The following PRKN variants were observed in gnomAD, a reference collection of about 807,000 sequenced individuals.
The protein encoded by PRKN is parkin RBR E3 ubiquitin protein ligase.
Under a neutral mutation model 59.5 loss-of-function variants are expected in PRKN, and 56 were observed. The observed-to-expected ratio is 0.94, with a 90% CI of 0.76 to 1.18. The LOEUF is 1.18. Among genes scored for constraint, PRKN ranks in the 50% most tolerant of loss-of-function variants. PRKN has a pLI of 0.00. For missense variants in PRKN, 657 were observed against 596.4 expected (o/e 1.10, Z -1.06); for synonymous variants, 250 against 222.1 (o/e 1.13, Z -1.12).
chr6:162,421,678 G>A (rs1324237188), intron 2 of PRKN, among the ~76,000 whole-genome samples: 1 of 152,066 alleles, frequency 6.6e-6, no homozygotes, highest in Non-Finnish European at 1.5e-5. Flanking sequence ...AAATAAACAG[G>A]AGAAGAACAA....
At chr6:161,700,487 G>A (rs1289798650) in intron 7 of PRKN, among the ~76,000 whole-genome samples, 2 of 152,006 alleles carry the variant, frequency 1.3e-5, no homozygotes, top group Non-Finnish European at 2.9e-5. Context: ...CAGGGCACAG[G>A]GTCACCTCAA....
intron 1 of PRKN, among the ~76,000 whole-genome samples, chr6:162,678,395 G>A (rs1472278892): frequency 2.0e-5 from 3 of 152,242 alleles, no homozygotes; most frequent in Non-Finnish European, 4.4e-5. Context: ...TCCCAAAGTG[G>A]TTTCTCCATT....
intron 9 of PRKN, among the ~76,000 whole-genome samples, chr6:161,539,376 C>T (rs149521371): frequency 7.0e-6 from 1 of 143,762 alleles, no homozygotes; most frequent in African/African-American, 2.5e-5. Context: ...CTGACGCATT[C>T]CAGGTTTAAG....
chr6:162,059,999 G>T (rs1222192430), intron 4 of PRKN, among the ~76,000 whole-genome samples: 2 of 152,192 alleles, frequency 1.3e-5, no homozygotes, highest in Non-Finnish European at 2.9e-5. Flanking sequence ...CATAAAGCAT[G>T]GTTGCTTGTA....
chr6:162,010,604 A>C (rs1172413063), intron 5 of PRKN, among the ~76,000 whole-genome samples: 1 of 8,610 alleles, frequency 1.2e-4, no homozygotes, highest in Non-Finnish European at 1.5e-4. Context: ...TATAATATAT[A>C]TTATATAATA....
chr6:161,619,913 A>T (rs1463026120), intron 7 of PRKN, among the ~76,000 whole-genome samples: 2 of 151,676 alleles, frequency 1.3e-5, no homozygotes, highest in Admixed American at 6.6e-5. Context: ...TATTAAAATT[A>T]ACTTCACCTT....
At chr6:162,185,013 C>T (rs1364268031) in intron 4 of PRKN, among the ~76,000 whole-genome samples, 1 of 152,114 alleles carries the variant, frequency 6.6e-6, no homozygotes, top group Non-Finnish European at 1.5e-5. Flanking sequence ...TCTGACTAAT[C>T]TTAACAAAGA....
intron 1 of PRKN, among the ~76,000 whole-genome samples, chr6:162,558,476 T>A (rs9458587): frequency 2.0e-5 from 3 of 151,316 alleles, no homozygotes; most frequent in African/African-American, 7.3e-5. Flanking sequence ...ATTACAGGCA[T>A]GCGCCACCAC....
chr6:162,100,922 T>C (rs921929195), intron 4 of PRKN, among the ~76,000 whole-genome samples: 1 of 152,196 alleles, frequency 6.6e-6, no homozygotes, highest in South Asian at 2.1e-4. Flanking sequence ...CATTTTTAAA[T>C]TGGGTTACTT....
intron 1 of PRKN, among the ~76,000 whole-genome samples, chr6:162,723,865 G>A (rs1779027924): frequency 6.6e-6 from 1 of 152,200 alleles, no homozygotes; most frequent in South Asian, 2.1e-4. Context: ...TCGCTGTGGA[G>A]TGGATCTGGA....
At chr6:162,591,252 CTTTG>C (rs1266292409) in intron 1 of PRKN, among the ~76,000 whole-genome samples, 2 of 151,728 alleles carry the variant, frequency 1.3e-5, no homozygotes, top group African/African-American at 4.8e-5. Context: ...CACATCAGAA[CTTTG>C]TTTTTCTTTA....
At chr6:162,310,718 T>C (rs949796585) in intron 2 of PRKN, among the ~76,000 whole-genome samples, 16 of 150,494 alleles carry the variant, frequency 1.1e-4, no homozygotes, top group African/African-American at 1.7e-4. Context: ...ACATTGTGCA[T>C]ATGTACCCTA....
chr6:161,592,231 G>A lies in PRKN; in HGVS notation c.872-22815C>T, dbSNP rs1395939086. The stretch of plus-strand genomic sequence containing the variant: ...AGTTGTGGAACCCATAGATACAGGG[G>A]GTTGACAGACACTAGGTTGAGGTAA... On this transcript the variant is annotated intron_variant, in intron 7 of 11. Coordinates refer to ENST00000366898, the MANE Select transcript of PRKN (RefSeq NM_004562.3). This position sits in a 1 kb window ranked among gnomAD's most constrained non-coding sequence, Gnocchi z 4.8. 6.6e-6 allele frequency among the ~76,000 whole-genome samples: 1 copy of A among 152,100 alleles called. No homozygotes were observed. The highest frequency in any genetic ancestry group is 1.9e-4 in the East Asian group (1 of 5,182).
chr6:161,365,736 C>T (rs1203223329), intron 10 of PRKN, among the ~76,000 whole-genome samples: 8 of 152,178 alleles, frequency 5.3e-5, no homozygotes, highest in Admixed American at 4.6e-4. Context: ...TTTCCCCAAA[C>T]GGCTCTGGAT....
At chr6:161,847,424 T>C (rs981533617) in intron 6 of PRKN, among the ~76,000 whole-genome samples, 3 of 152,220 alleles carry the variant, frequency 2.0e-5, no homozygotes, top group Admixed American at 2.0e-4. Flanking sequence ...AACTTTGTCC[T>C]GCCTTGCCCA....
intron 2 of PRKN, among the ~76,000 whole-genome samples, chr6:162,366,183 A>G (rs776656934): frequency 3.3e-5 from 5 of 152,226 alleles, no homozygotes; most frequent in African/African-American, 4.8e-5. Flanking sequence ...TAAATTAAAA[A>G]TCACCTTGTT....
At chr6:162,259,676 T>A (rs1282696749) in intron 3 of PRKN, among the ~76,000 whole-genome samples, 1 of 152,244 alleles carries the variant, frequency 6.6e-6, no homozygotes, top group Non-Finnish European at 1.5e-5. Context: ...GAAATCTCAA[T>A]TTCTCTGTAT....
rs531760621 is a variant in PRKN at position 161,459,853 on chromosome 6, A to G, written c.1084-72976T>C. Among the ~76,000 whole-genome samples, 1 of 152,314 alleles carries G rather than the reference A, an allele frequency of 6.6e-6. No homozygotes were observed. The highest frequency in any genetic ancestry group is 1.9e-4 in the East Asian group (1 of 5,186). On this transcript the variant is annotated intron_variant, in intron 9 of 11. Coordinates refer to ENST00000366898, the MANE Select transcript of PRKN (RefSeq NM_004562.3). The surrounding 1 kb of genome is among the most constrained non-coding windows in gnomAD (Gnocchi z 4.8). ...CTAATGGGAGATTTCTGGCCCAGAA[A>G]TGGGTCAGCAGAAACTATTATATTG...
chr6:162,332,821 C>T (rs1783645264), intron 2 of PRKN, among the ~76,000 whole-genome samples: 1 of 152,078 alleles, frequency 6.6e-6, no homozygotes, highest in African/African-American at 2.4e-5. Flanking sequence ...CAGTTCCATC[C>T]AATAGCACCA....
Sources: allele counts gnomAD v4.1 joint callset (sites outside exome capture counted in the v4.1 genomes callset), GRCh38; gene constraint gnomAD v4.1.1; non-coding constraint Gnocchi (gnomAD v3.1); transcripts MANE v1.5; gene names NCBI Gene and HGNC (gene_info 2026-07-23, HGNC 2026-07-21).